COX20: variants seen among roughly 807,000 people sequenced by gnomAD.
COX20 encodes the protein cytochrome c oxidase assembly factor COX20, also known as cytochrome c oxidase assembly protein COX20, mitochondrial.
A neutral mutation model predicts 14.3 loss-of-function variants in COX20; 14 were observed. The observed-to-expected ratio is 0.98, with a 90% CI of 0.65 to 1.53. The LOEUF is 1.53. Ranked by LOEUF, COX20 falls within the 40% of genes most tolerant of loss-of-function variation. COX20 has a pLI of 0.00. For missense variants in COX20, 149 were observed against 142.1 expected, an observed-to-expected ratio of 1.05 and a Z score of -0.25; for synonymous variants, 56 against 51.7, an observed-to-expected ratio of 1.08 and a Z score of -0.36.
At position 244,843,477 on chromosome 1, in the gene COX20, T is replaced by C. The variant is rs1160817517; in HGVS notation, c.*301T>C. On this transcript the variant is annotated 3_prime_UTR_variant, in exon 4 of 4. Coordinates refer to ENST00000411948, the MANE Select transcript of COX20 (RefSeq NM_198076.6). Reference sequence around the variant, plus strand: ...TGTACTTGGAGTTTCCTTGTAGTAGTAAGTATAGAGTTTGATGATAAGTAA... The same window carrying C: ...TGTACTTGGAGTTTCCTTGTAGTAGCAAGTATAGAGTTTGATGATAAGTAA... The C allele has an allele frequency of 6.8e-6, 2 of 295,250 alleles. No homozygotes were observed. Among genetic ancestry groups the C allele is most frequent in the African/African-American group, 4.6e-5 (2 of 43,926 alleles). The allele number at this position is 295,250 out of a possible 1,614,324, so 18.3% of individuals were successfully genotyped here.
chr1:244,836,659 C>T (rs1004053773), intron 1 of COX20: 14 of 689,156 alleles, frequency 2.0e-5, no homozygotes, highest in Non-Finnish European at 3.4e-5. Flanking sequence ...CTAGGGAGAT[C>T]GTAACATTGG....
At position 244,835,726 on chromosome 1, in the gene COX20, GC is replaced by G; in HGVS notation, c.14del (p.Pro5ArgfsTer15). 3.9e-6 allele frequency: 5 copies of G among 1,269,514 alleles called. No individual in the cohort carries two copies. The highest frequency in any genetic ancestry group is 5.0e-6 in the Non-Finnish European group (5 of 1,004,776). 78.6% of individuals were successfully genotyped at this position (1,269,514 alleles called of 1,614,324 possible). ...GCGGAGTAGTCCTCATGGCCGCCCC[GC>G]CGGAGCCCGGTGAGCCCGAGGAGAG... is the stretch of plus-strand genomic sequence containing the variant. Reference protein sequence around the residue: MAAPPEPGEPEERKS... With the variant: MAAPXEPGEPEERKS... On this transcript the variant is annotated frameshift_variant, in exon 1 of 4. Transcript: ENST00000411948. LOFTEE classifies it high-confidence loss of function.
In COX20 at chr1:244,842,048, T is replaced by C; in HGVS notation, c.147T>C (p.Phe49=). 1 of 1,602,274 alleles carries C rather than the reference T, an allele frequency of 6.2e-7. No individual in the cohort carries two copies. Among genetic ancestry groups the C allele is most frequent in the Non-Finnish European group, 8.5e-7 (1 of 1,169,632 alleles). ...LGSVVAGFGH[F]LFTSRIRRSC... ...CTGTTGTGGCTGGCTTTGGACATTT[T>C]TTGTTCACTAGTGAGTATCTGTATT... is the stretch of plus-strand genomic sequence containing the variant. The change falls in exon 2 of 4, where the codon TTT becomes TTC. Residue 49 remains phenylalanine, a synonymous_variant. Transcript: ENST00000411948.
At position 244,842,035 on chromosome 1, in the gene COX20, GC is replaced by G; in HGVS notation, c.135del (p.Phe46LeufsTer18). On this transcript the variant is annotated frameshift_variant, in exon 2 of 4. Coordinates refer to ENST00000411948, the MANE Select transcript of COX20 (RefSeq NM_198076.6). LOFTEE classifies it high-confidence loss of function. ...LYGSLGSVVAGFGHFLFTSRI... is the reference protein window; with the variant it reads ...LYGSLGSVVAXFGHFLFTSRI... ...GGTTCATTAGGATCTGTTGTGGCTG[GC>G]TTTGGACATTTTTTGTTCACTAGTG... is the stretch of plus-strand genomic sequence containing the variant. 6.2e-7 allele frequency: 1 copy of G among 1,609,364 alleles called. No homozygotes were observed. The highest frequency in any genetic ancestry group is 8.5e-7 in the Non-Finnish European group (1 of 1,176,370).
intron 3 of COX20, 30 bp downstream of exon 3, chr1:244,842,288 A>G (rs1238813419): frequency 2.7e-6 from 4 of 1,459,432 alleles, no homozygotes; most frequent in South Asian, 2.3e-5. Flanking sequence ...AAGAACATCC[A>G]TGATTATAGT....
chr1:244,836,631 A>G (rs1679995508), intron 1 of COX20: 13 of 942,092 alleles, frequency 1.4e-5, no homozygotes, highest in Non-Finnish European at 1.9e-5. Flanking sequence ...ATGCAAGAGG[A>G]AAAAAGTTTA....
At chr1:244,839,899 G>A (rs1324854018) in intron 1 of COX20, 4 of 152,126 alleles carry the variant, frequency 2.6e-5, no homozygotes, top group Non-Finnish European at 5.9e-5. Context: ...AAGTCCCCGA[G>A]CCTGTTTCAG....
chr1:244,842,463 G>T, intron 3 of COX20: 5 of 521,696 alleles, frequency 9.6e-6, no homozygotes, highest in East Asian at 3.0e-5. Context: ...AGAAAGCTGT[G>T]GTTTTTACAC....
In COX20 at chr1:244,842,186, T is replaced by C; in HGVS notation, c.158-9T>C. 6.3e-7 allele frequency: 1 copy of C among 1,586,366 alleles called. No homozygotes were observed. The highest frequency in any genetic ancestry group is 8.6e-7 in the Non-Finnish European group (1 of 1,157,332). On this transcript the variant is annotated splice_polypyrimidine_tract_variant and intron_variant, in intron 2 of 3. Coordinates refer to ENST00000411948, the MANE Select transcript of COX20 (RefSeq NM_198076.6). ...ATATTCTAATTAATTGTTATGCTTA[T>C]TTTTACAGGTAGAATTAGAAGATCA...
intron 1 of COX20, chr1:244,840,148 T>C (rs1194487935): frequency 6.6e-6 from 1 of 152,226 alleles, no homozygotes; most frequent in Admixed American, 6.5e-5. Context: ...GCAAATTTAC[T>C]TTTATTTAAA....
chr1:244,837,106 TA>T (rs776082805), intron 1 of COX20, among the ~76,000 whole-genome samples: 107 of 144,626 alleles, frequency 7.4e-4, no homozygotes, highest in Non-Finnish European at 9.2e-4. Flanking sequence ...CATTGGAAAT[TA>T]AAAAAAAAAA....
intron 1 of COX20, chr1:244,840,443 C>T (rs1680156226): frequency 6.6e-6 from 1 of 152,228 alleles, no homozygotes; most frequent in Admixed American, 6.5e-5. Context: ...CAGCATTCCT[C>T]ACCTGCATAA....
chr1:244,842,205 A>G lies in COX20; in HGVS notation c.168A>G (p.Arg56=), dbSNP rs767701000. ...TGCTTATTTTTACAGGTAGAATTAG[A>G]AGATCATGTGATGTTGGAGTAGGAG... ...FGHFLFTSRI[R]RSCDVGVGGF... The change falls in exon 3 of 4, where the codon AGA becomes AGG. Residue 56 remains arginine, a synonymous_variant. Coordinates refer to ENST00000411948, the MANE Select transcript of COX20 (RefSeq NM_198076.6). 1 of 1,605,808 alleles carries G rather than the reference A, an allele frequency of 6.2e-7. No homozygotes were observed. Among genetic ancestry groups the G allele is most frequent in the South Asian group, 1.1e-5 (1 of 90,880 alleles).
At chr1:244,840,087 T>A (rs973562150) in intron 1 of COX20, 3 of 152,232 alleles carry the variant, frequency 2.0e-5, no homozygotes, top group African/African-American at 4.8e-5. Context: ...ATGTGTAGCT[T>A]CTATTTAGAT....
At chr1:244,836,453 AG>A in intron 1 of COX20, 1 of 1,547,694 alleles carries the variant, frequency 6.5e-7, no homozygotes, top group Non-Finnish European at 8.7e-7. Context: ...GTTTCACCAA[AG>A]CTGACTTACG....
chr1:244,837,957 A>G (rs1680048676), intron 1 of COX20, among the ~76,000 whole-genome samples: 1 of 152,242 alleles, frequency 6.6e-6, no homozygotes, highest in African/African-American at 2.4e-5. Flanking sequence ...TTTTATGAGT[A>G]GAATCAAGAT....
chr1:244,835,618 G>A (rs867624884), upstream of COX20: 3 of 973,652 alleles, frequency 3.1e-6, no homozygotes, highest in African/African-American at 1.7e-5. Flanking sequence ...GGGAGGCGGC[G>A]GCGCGTGGGG....
At chr1:244,840,998 C>G (rs190157738) in intron 1 of COX20, 100 of 152,288 alleles carry the variant, frequency 6.6e-4, no homozygotes, top group African/African-American at 2.3e-3. Flanking sequence ...GTAACAGTTA[C>G]CGTGAGTTTT....
In COX20 at chr1:244,843,080, G is replaced by C; in HGVS notation, c.261G>C (p.Gln87His). Residue 87 changes from glutamine to histidine, a missense_variant, in exon 4 of 4, where the codon CAG becomes CAC. By Grantham distance (24) the Gln-to-His change is conservative (BLOSUM62 0). Coordinates refer to ENST00000411948, the MANE Select transcript of COX20 (RefSeq NM_198076.6). ...ATAATTATGCAAAGCAAAGAATCCAGGAAAGAATTGCCAGAGAAGAAATTA... is the reference window on the plus strand; with the variant it reads ...ATAATTATGCAAAGCAAAGAATCCACGAAAGAATTGCCAGAGAAGAAATTA... ...CRYNYAKQRI[Q>H]ERIAREEIKK... 1 of 1,592,180 alleles carries C rather than the reference G, an allele frequency of 6.3e-7. No individual in the cohort carries two copies. Among genetic ancestry groups the C allele is most frequent in the African/African-American group, 1.4e-5 (1 of 72,774 alleles).
Sources: gnomAD v4.1 joint callset for allele counts (sites outside exome capture counted in the v4.1 genomes callset) on GRCh38, gnomAD v4.1.1 for gene constraint, MANE v1.5 for transcripts, NCBI Gene and HGNC (gene_info 2026-07-23, HGNC 2026-07-21) for gene names.